The following ENOX1 variants were observed in gnomAD, a reference collection of about 807,000 sequenced individuals.
ENOX1 encodes the protein candidate growth-related and time keeping constitutive hydroquinone (NADH) oxidase.
ENOX1 carries 42 observed loss-of-function variants against 82.5 expected under a neutral mutation model. That is an observed-to-expected ratio of 0.51 (90% CI 0.40 to 0.66). The LOEUF (loss-of-function observed/expected upper bound fraction) is 0.66. Among genes scored for constraint, ENOX1 ranks in the 30% least tolerant of loss-of-function variants. The probability of loss-of-function intolerance (pLI) is 0.00; values close to 1 mark genes in which losing one functional copy is unlikely to be tolerated. For missense variants in ENOX1, 608 were observed against 811.6 expected, an observed-to-expected ratio of 0.75 and a Z score of 3.05; for synonymous variants, 271 against 282.2, an observed-to-expected ratio of 0.96 and a Z score of 0.40.
At chr13:43,463,700 C>T (rs986432441) in intron 3 of ENOX1, among the ~76,000 whole-genome samples, 1 of 152,088 alleles carries the variant, frequency 6.6e-6, no homozygotes, top group South Asian at 2.1e-4. Flanking sequence ...GTACACATGC[C>T]GGCTGAATCG....
intron 2 of ENOX1, among the ~76,000 whole-genome samples, chr13:43,490,095 C>G (rs770094975): frequency 1.3e-5 from 2 of 152,082 alleles, no homozygotes; most frequent in South Asian, 2.1e-4. Context: ...CCTGCCCCCA[C>G]GCCCAGCCAG....
chr13:43,775,151 T>C (rs1951842144), intron 1 of ENOX1, among the ~76,000 whole-genome samples: 1 of 152,086 alleles, frequency 6.6e-6, no homozygotes, highest in African/African-American at 2.4e-5. Flanking sequence ...CCCAACCTTT[T>C]TTCTTTTTTT....
At chr13:43,285,446 T>C (rs2045637534) in intron 12 of ENOX1, among the ~76,000 whole-genome samples, 1 of 152,210 alleles carries the variant, frequency 6.6e-6, no homozygotes, top group African/African-American at 2.4e-5. Context: ...ATAAATTCTT[T>C]TGTAAAATGA....
chr13:43,233,643 C>A (rs1387160736), intron 15 of ENOX1, among the ~76,000 whole-genome samples: 1 of 150,080 alleles, frequency 6.7e-6, no homozygotes, highest in African/African-American at 2.5e-5. Flanking sequence ...TTTTTTCTCA[C>A]TCCCTTTCTC....
chr13:43,739,659 A>G (rs974635808), intron 1 of ENOX1, among the ~76,000 whole-genome samples: 16 of 151,862 alleles, frequency 1.1e-4, no homozygotes, highest in Non-Finnish European at 2.2e-4. Flanking sequence ...TAACATAAGA[A>G]AAGAGCTGTT....
chr13:43,549,012 C>G (rs1048371993), intron 2 of ENOX1, among the ~76,000 whole-genome samples: 2 of 152,188 alleles, frequency 1.3e-5, no homozygotes, highest in African/African-American at 2.4e-5. Flanking sequence ...TCTGATCCTC[C>G]CACAAACTCT....
chr13:43,465,427 C>A (rs888160255), intron 3 of ENOX1, among the ~76,000 whole-genome samples: 1 of 152,098 alleles, frequency 6.6e-6, no homozygotes, highest in Non-Finnish European at 1.5e-5. Context: ...CACATGCCTA[C>A]ATCTTTTTGT....
At chr13:43,410,877 A>T (rs996151367) in intron 5 of ENOX1, among the ~76,000 whole-genome samples, 10 of 152,202 alleles carry the variant, frequency 6.6e-5, no homozygotes, top group Non-Finnish European at 1.5e-4. Flanking sequence ...TGTAACAATG[A>T]CTACTGCATA....
chr13:43,229,062 G>C (rs1424441305), intron 15 of ENOX1, among the ~76,000 whole-genome samples: 1 of 152,198 alleles, frequency 6.6e-6, no homozygotes, highest in African/African-American at 2.4e-5. Context: ...TCCCCATACT[G>C]TTCTCATGCT....
At chr13:43,712,506 A>T (rs299341) in intron 1 of ENOX1, among the ~76,000 whole-genome samples, 12 of 148,702 alleles carry the variant, frequency 8.1e-5, no homozygotes, top group Non-Finnish European at 1.5e-4. Flanking sequence ...ATTACCTTGG[A>T]CAGTATGGCC....
At chr13:43,415,002 G>A (rs1220538526) in intron 3 of ENOX1, among the ~76,000 whole-genome samples, 4 of 152,130 alleles carry the variant, frequency 2.6e-5, no homozygotes, top group Admixed American at 6.5e-5. Context: ...GGTTACAGTC[G>A]TATAAAGGGG....
chr13:43,330,654 G>A (rs1220159816), intron 9 of ENOX1, among the ~76,000 whole-genome samples: 1 of 152,106 alleles, frequency 6.6e-6, no homozygotes, highest in Non-Finnish European at 1.5e-5. Flanking sequence ...TTCTTCAGAA[G>A]TATGCCTGAA....
At chr13:43,610,313 C>T (rs1223590619) in intron 2 of ENOX1, among the ~76,000 whole-genome samples, 8 of 152,138 alleles carry the variant, frequency 5.3e-5, no homozygotes, top group Admixed American at 2.0e-4. Context: ...TTTTCTTGTG[C>T]TGTGTATTCA....
intron 5 of ENOX1, among the ~76,000 whole-genome samples, chr13:43,367,556 A>G (rs1035269536): frequency 7.9e-5 from 12 of 152,182 alleles, no homozygotes; most frequent in Non-Finnish European, 1.5e-5. Context: ...CCAGAAGCTA[A>G]GAGAAAGACA....
intron 5 of ENOX1, among the ~76,000 whole-genome samples, chr13:43,406,034 C>T (rs2053773673): frequency 6.6e-6 from 1 of 152,150 alleles, no homozygotes; most frequent in South Asian, 2.1e-4. Context: ...TAACATCTGG[C>T]TCAATAAATC....
chr13:43,772,310 A>G (rs933438006), intron 1 of ENOX1, among the ~76,000 whole-genome samples: 15 of 152,200 alleles, frequency 9.9e-5, no homozygotes, highest in African/African-American at 3.6e-4. Flanking sequence ...CAAATTGTCT[A>G]TACTACATGT....
At position 43,618,662 on chromosome 13, in the gene ENOX1, A is replaced by G. The variant is rs1490965280; in HGVS notation, c.-219+48817T>C. On this transcript the variant is annotated intron_variant, in intron 2 of 16. Coordinates refer to ENST00000690772, the MANE Select transcript of ENOX1 (RefSeq NM_001347969.2). ...CTATGGCCTTATAGTTTGAAATCAG[A>G]TAGTGTGATGCCTCCAGATTTGTTC... 2.0e-5 allele frequency among the ~76,000 whole-genome samples: 3 copies of G among 151,988 alleles called. No individual in the cohort carries two copies. In the South Asian group the frequency reaches 6.2e-4, roughly 32 times the overall value.
chr13:43,304,570 C>T (rs1355282487), intron 11 of ENOX1, among the ~76,000 whole-genome samples: 1 of 152,166 alleles, frequency 6.6e-6, no homozygotes, highest in African/African-American at 2.4e-5. Context: ...GAGTGTTCTG[C>T]TGGAGAGAGA....
intron 1 of ENOX1, among the ~76,000 whole-genome samples, chr13:43,733,772 C>A (rs545897212): frequency 9.9e-5 from 15 of 152,284 alleles, no homozygotes; most frequent in Admixed American, 9.8e-4. Flanking sequence ...ACCTGTGAAT[C>A]TGACTTTATT....
Sources: gnomAD v4.1 joint callset for allele counts (sites outside exome capture counted in the v4.1 genomes callset) on GRCh38, gnomAD v4.1.1 for gene constraint, MANE v1.5 for transcripts, NCBI Gene and HGNC (gene_info 2026-07-23, HGNC 2026-07-21) for gene names.